The following WDR88 variants were observed in gnomAD, a reference collection of about 807,000 sequenced individuals.
WDR88 encodes WD repeat-containing protein 88.
Under a neutral mutation model 46.8 loss-of-function variants are expected in WDR88, and 40 were observed. The observed-to-expected ratio is 0.86, with a 90% CI of 0.66 to 1.11. WDR88 has a LOEUF of 1.11. Among genes scored for constraint, WDR88 ranks in the 50% most tolerant of loss-of-function variants. The pLI, the probability that WDR88 is intolerant of heterozygous loss-of-function variation, is 0.00. For missense variants in WDR88, 562 were observed against 602.4 expected (o/e 0.93, Z 0.70); for synonymous variants, 235 against 240.7 (o/e 0.98, Z 0.22).
intron 2 of WDR88, among the ~76,000 whole-genome samples, chr19:33,143,880 A>G (rs923717515): frequency 2.6e-5 from 4 of 152,198 alleles, no homozygotes; most frequent in African/African-American, 9.6e-5. Context: ...CCATAAACGT[A>G]GACGCCAAAT....
rs1687640390 is a variant in WDR88, at chr19:33,132,140, TCGGCGGCCAC to T, written c.-23_-14del. ...GCGCCACCGTTCCCATCCAGGCTTG[TCGGCGGCCAC>T]CGGCGGACCGGGCTTCGAGATGGCC... On this transcript the variant is annotated 5_prime_UTR_variant, in exon 1 of 11. Transcript: ENST00000355868. 1.3e-6 allele frequency: 2 copies of T among 1,557,982 alleles called. No individual in the cohort carries two copies. Among genetic ancestry groups the T allele is most frequent in the Admixed American group, 3.5e-5 (2 of 56,722 alleles).
At chr19:33,147,060 A>AG in intron 3 of WDR88, among the ~76,000 whole-genome samples, 1 of 139,800 alleles carries the variant, frequency 7.2e-6, no homozygotes, top group South Asian at 2.2e-4. Context: ...GTCTCTAAGG[A>AG]AAAAAAAAAA....
intron 8 of WDR88, 44 bp from the exon 9 acceptor site, chr19:33,164,153 A>T: frequency 6.3e-7 from 1 of 1,586,436 alleles, no homozygotes; most frequent in Non-Finnish European, 8.7e-7. Context: ...GTTCTTTCAA[A>T]ATTATTTTCT....
intron 1 of WDR88, among the ~76,000 whole-genome samples, chr19:33,135,568 C>A (rs1405853601): frequency 6.6e-6 from 1 of 151,998 alleles, no homozygotes; most frequent in Non-Finnish European, 1.5e-5. Flanking sequence ...CAGGCATGTG[C>A]CACCATGCCC....
rs778138032 is a variant in WDR88 at position 33,137,819 on chromosome 19, C to T, written c.387+32C>T. On this transcript the variant is annotated intron_variant, in intron 2 of 10. Coordinates refer to ENST00000355868, the MANE Select transcript of WDR88 (RefSeq NM_173479.4). The stretch of plus-strand genomic sequence containing the variant: ...GGCCGGCTGTTAGGTACTCCTGGAG[C>T]GAAAACCTTTCCTAAGCTTAGGCAC... 27 of 1,589,286 alleles carry T rather than the reference C, an allele frequency of 1.7e-5. No individual in the cohort carries two copies. The African/African-American group carries it at 2.7e-4, about 16-fold the overall frequency.
intron 9 of WDR88, among the ~76,000 whole-genome samples, chr19:33,170,988 T>C (rs1393604603): frequency 6.6e-6 from 1 of 151,902 alleles, no homozygotes; most frequent in Non-Finnish European, 1.5e-5. Flanking sequence ...AAAAATATTA[T>C]TATTATTATT....
intron 8 of WDR88, among the ~76,000 whole-genome samples, chr19:33,162,581 G>A (rs1973887351): frequency 6.6e-6 from 1 of 152,104 alleles, no homozygotes; most frequent in African/African-American, 2.4e-5. Flanking sequence ...AGTGGATCGA[G>A]TTTGCAGTTA....
intron 3 of WDR88, among the ~76,000 whole-genome samples, chr19:33,146,524 T>C (rs868805698): frequency 2.7e-5 from 4 of 150,376 alleles, no homozygotes; most frequent in Non-Finnish European, 5.9e-5. Flanking sequence ...CTCCCTTCCT[T>C]CCTTCTTTCC....
chr19:33,154,883 T>C (rs1366813859), intron 6 of WDR88, among the ~76,000 whole-genome samples: 1 of 152,136 alleles, frequency 6.6e-6, no homozygotes, highest in African/African-American at 2.4e-5. Flanking sequence ...CGTTGCTCAG[T>C]TTGTGCCTTT....
Position 33,175,552 on chromosome 19 carries a change from A to C in WDR88, c.1399A>C (p.Arg467=), listed in dbSNP as rs1371586033. ...SSERENSPPP[R]GSKDD is the part of the protein sequence containing the mutation. ...GGAAAGGGAGAACTCACCGCCGCCA[A>C]GGGGAAGCAAGGATGACTGACAGCC... The change falls in exon 11 of 11, where the codon AGG becomes CGG. Residue 467 remains arginine, a synonymous_variant. Transcript: ENST00000355868. 1 of 1,614,178 alleles carries C rather than the reference A, an allele frequency of 6.2e-7. No homozygotes were observed. Among genetic ancestry groups the C allele is most frequent in the Non-Finnish European group, 8.5e-7 (1 of 1,180,026 alleles).
chr19:33,144,887 C>T lies in WDR88; in HGVS notation c.431C>T (p.Pro144Leu). ...GTGGTTCGCGATTTTGAGCACAGGCCCAAAGCTCCTGTTGTAGAGTGCAGC... is the reference window on the plus strand; with the variant it reads ...GTGGTTCGCGATTTTGAGCACAGGCTCAAAGCTCCTGTTGTAGAGTGCAGC... ...GSVVRDFEHR[P>L]KAPVVECSIT... The change falls in exon 3 of 11, where the codon CCC becomes CTC. Residue 144 changes from proline (P) to leucine (L), a missense_variant. Transcript: ENST00000355868. 2 of 1,613,756 alleles carry T rather than the reference C, an allele frequency of 1.2e-6. No homozygotes were observed. Among genetic ancestry groups the T allele is most frequent in the Non-Finnish European group, 1.7e-6 (2 of 1,179,950 alleles).
intron 1 of WDR88, among the ~76,000 whole-genome samples, chr19:33,133,232 A>C (rs1361200893): frequency 6.8e-6 from 1 of 147,002 alleles, no homozygotes; most frequent in African/African-American, 2.5e-5. Context: ...AAGAAAAAGA[A>C]AAAGAAAGAA....
chr19:33,151,937 A>T (rs1005051325), intron 6 of WDR88, among the ~76,000 whole-genome samples: 1 of 152,144 alleles, frequency 6.6e-6, no homozygotes, highest in South Asian at 2.1e-4. Context: ...ATTATCATTT[A>T]AAAAAATTTT....
At chr19:33,143,532 G>A (rs1023346824) in intron 2 of WDR88, among the ~76,000 whole-genome samples, 2 of 150,620 alleles carry the variant, frequency 1.3e-5, no homozygotes, top group African/African-American at 4.9e-5. Context: ...TGGTCCCAGC[G>A]ACTTGGGAGG....
At chr19:33,157,342 A>G (rs1973755069) in intron 7 of WDR88, among the ~76,000 whole-genome samples, 1 of 151,196 alleles carries the variant, frequency 6.6e-6, no homozygotes. Flanking sequence ...ACTAAAAAAT[A>G]CAAAAATTAG....
intron 2 of WDR88, among the ~76,000 whole-genome samples, chr19:33,141,572 T>A (rs1363885756): frequency 6.6e-6 from 1 of 152,122 alleles, no homozygotes; most frequent in Non-Finnish European, 1.5e-5. Flanking sequence ...GGCAATATAT[T>A]AGAGGGAGAT....
chr19:33,174,867 G>C (rs891453872), intron 10 of WDR88: 3 of 985,450 alleles, frequency 3.0e-6, no homozygotes, highest in Non-Finnish European at 3.6e-6. Context: ...GAGCTGGCAG[G>C]ACCTGCTTAG....
At chr19:33,137,816 G>C (rs1296928507) in intron 2 of WDR88, 29 bp downstream of exon 2, 1 of 1,598,120 alleles carries the variant, frequency 6.3e-7, no homozygotes, top group Non-Finnish European at 8.6e-7. Context: ...GGTACTCCTG[G>C]AGCGAAAACC....
Position 33,132,435 on chromosome 19 carries a change from C to A in WDR88, c.266C>A (p.Pro89His), listed in dbSNP as rs1181781858. The A allele has an allele frequency of 6.2e-7, 1 of 1,613,856 alleles. No homozygotes were observed. The highest frequency in any genetic ancestry group is 1.1e-5 in the South Asian group (1 of 91,086). ...AAATTGATCTGGGGCGACCAGGACCCTCTCTCCAAGGTCAGAACCGCCGCT... is the reference window on the plus strand; with the variant it reads ...AAATTGATCTGGGGCGACCAGGACCATCTCTCCAAGGTCAGAACCGCCGCT... ...PEKLIWGDQD[P>H]LSKIPFKILS... The change falls in exon 1 of 11, where the codon CCT (proline) becomes CAT (histidine). Residue 89 changes from proline (P) to histidine (H), a missense_variant. Transcript: ENST00000355868.
Sources: allele counts gnomAD v4.1 joint callset (sites outside exome capture counted in the v4.1 genomes callset), GRCh38; gene constraint gnomAD v4.1.1; transcripts MANE v1.5; gene names NCBI Gene and HGNC (gene_info 2026-07-23, HGNC 2026-07-21).